The following ATF6 variants were observed in gnomAD, a reference collection of about 807,000 sequenced individuals.
The protein encoded by ATF6 is cyclic AMP-dependent transcription factor ATF-6 alpha.
A neutral mutation model predicts 83.6 loss-of-function variants in ATF6; 53 were observed. That is an observed-to-expected ratio of 0.63 (90% CI 0.51 to 0.80). ATF6 has a LOEUF of 0.80. ATF6 is among the 30% of genes least tolerant of loss of function. The pLI, the probability that ATF6 is intolerant of heterozygous loss-of-function variation, is 0.00. For missense variants in ATF6, 744 were observed against 797.9 expected, an observed-to-expected ratio of 0.93 and a Z score of 0.81; for synonymous variants, 288 against 285.8, an observed-to-expected ratio of 1.01 and a Z score of -0.08.
chr1:161,958,680 G>C lies in ATF6; in HGVS notation c.*26G>C, dbSNP rs1571264558. 1 of 1,579,330 alleles carries C rather than the reference G, an allele frequency of 6.3e-7. No individual in the cohort carries two copies. Among genetic ancestry groups the C allele is most frequent in the Non-Finnish European group, 8.6e-7 (1 of 1,160,924 alleles). ...CACCCTGCAGCTATGCTGGAAAACT[G>C]AGCGTGGGACCCTGCCAGACTGAAG... On this transcript the variant is annotated 3_prime_UTR_variant, in exon 16 of 16. Coordinates refer to ENST00000367942, the MANE Select transcript of ATF6 (RefSeq NM_007348.4).
intron 4 of ATF6, among the ~76,000 whole-genome samples, chr1:161,784,654 A>G (rs61104653): frequency 0.11 from 17,058 of 152,206 alleles, 1,941 homozygotes; most frequent in African/African-American, 0.29. Context: ...TAGAATGGGG[A>G]AAGGGAAAGT....
At chr1:161,946,731 T>G (rs1688755341) in intron 15 of ATF6, among the ~76,000 whole-genome samples, 1 of 152,226 alleles carries the variant, frequency 6.6e-6, no homozygotes, top group South Asian at 2.1e-4. Context: ...TCATTCAGTA[T>G]TTATAATTTT....
intron 14 of ATF6, among the ~76,000 whole-genome samples, chr1:161,873,354 T>A (rs1687153605): frequency 6.6e-6 from 1 of 151,558 alleles, no homozygotes; most frequent in Non-Finnish European, 1.5e-5. Context: ...CTACATAAAA[T>A]TTGGTATAAC....
chr1:161,941,829 T>C (rs1210760521), intron 15 of ATF6, among the ~76,000 whole-genome samples: 1 of 152,204 alleles, frequency 6.6e-6, no homozygotes, highest in Non-Finnish European at 1.5e-5. Context: ...GAAAGTTTAG[T>C]CCTTGCCAAA....
In ATF6 at chr1:161,939,600, C is replaced by T. The variant is rs182415917; in HGVS notation, c.1805-18846C>T. 1.8e-4 allele frequency among the ~76,000 whole-genome samples: 27 copies of T among 152,310 alleles called. No homozygotes were observed. The East Asian group carries it at 3.5e-3, about 20-fold the overall frequency. ...GGATAGCTTGTTAGTACTGGAGACC[C>T]ACGCTCTTTCTTTCCTGCACTCTGC... On this transcript the variant is annotated intron_variant, in intron 15 of 15. Transcript: ENST00000367942.
chr1:161,779,339 G>C (rs1684585658), intron 2 of ATF6, among the ~76,000 whole-genome samples: 2 of 152,174 alleles, frequency 1.3e-5, no homozygotes, highest in Non-Finnish European at 2.9e-5. Flanking sequence ...ATATATTCCT[G>C]ATTTTACAAC....
At position 161,835,530 on chromosome 1, in the gene ATF6, A is replaced by G. The variant is rs570143190; in HGVS notation, c.1188-10919A>G. Among the ~76,000 whole-genome samples the G allele has an allele frequency of 3.3e-5, 5 of 152,274 alleles. No homozygotes were observed. In the South Asian group the frequency reaches 1.0e-3, roughly 32 times the overall value. ...GTTTTGTATTTCTTTCTTCCTATAC[A>G]TTGTTTTGTATAGTTTTGTATTTCT... On this transcript the variant is annotated intron_variant, in intron 9 of 15. Transcript: ENST00000367942.
rs920673485 is a variant in ATF6 at position 161,845,528 on chromosome 1, G to A, written c.1188-921G>A. On this transcript the variant is annotated intron_variant, in intron 9 of 15. Transcript: ENST00000367942. ...TACATCTGTAATCCCAGCACTTTGG[G>A]AGGCCAAGGTGGGAGGATAGCTTTA... Among the ~76,000 whole-genome samples the A allele has an allele frequency of 7.2e-5, 11 of 152,168 alleles. 1 individual carries two copies. The South Asian group carries it at 1.7e-3, about 23-fold the overall frequency.
intron 14 of ATF6, among the ~76,000 whole-genome samples, chr1:161,882,722 G>C (rs1323718200): frequency 7.1e-6 from 1 of 141,078 alleles, no homozygotes; most frequent in Admixed American, 7.2e-5. Flanking sequence ...TTTTTTTTTT[G>C]TAGAAAATCA....
chr1:161,849,424 A>G (rs140602560), intron 10 of ATF6, among the ~76,000 whole-genome samples: 32 of 152,336 alleles, frequency 2.1e-4, no homozygotes, highest in African/African-American at 7.2e-4. Flanking sequence ...ATAAATAGCT[A>G]TCTCTAACTT....
chr1:161,770,183 A>C lies in ATF6; in HGVS notation c.82+3741A>C, dbSNP rs557041612. ...TAGTTGGAATCATACAGTATGTAGCATTTTTGAATTGGCTTCTTTCACTTA... is the reference window on the plus strand; with the variant it reads ...TAGTTGGAATCATACAGTATGTAGCCTTTTTGAATTGGCTTCTTTCACTTA... On this transcript the variant is annotated intron_variant, in intron 1 of 15. Transcript: ENST00000367942. 9.9e-5 allele frequency among the ~76,000 whole-genome samples: 15 copies of C among 152,210 alleles called. No individual in the cohort carries two copies. In the South Asian group the frequency reaches 2.9e-3, roughly 29 times the overall value.
At chr1:161,833,389 A>G (rs554674462) in intron 9 of ATF6, among the ~76,000 whole-genome samples, 10 of 152,336 alleles carry the variant, frequency 6.6e-5, no homozygotes, top group African/African-American at 2.4e-4. Flanking sequence ...CCCGCAACAG[A>G]ACAAAGCTGG....
At chr1:161,849,995 G>T (rs1056640256) in intron 10 of ATF6, among the ~76,000 whole-genome samples, 1 of 152,012 alleles carries the variant, frequency 6.6e-6, no homozygotes, top group Non-Finnish European at 1.5e-5. Context: ...AAATTGTCTT[G>T]AATTGGTCCA....
chr1:161,783,193 T>G (rs886491134), intron 3 of ATF6, among the ~76,000 whole-genome samples: 17 of 152,146 alleles, frequency 1.1e-4, no homozygotes, highest in Non-Finnish European at 1.8e-4. Context: ...CATTTCCAGC[T>G]TCAGAATTCA....
intron 4 of ATF6, 65 bp from the exon 5 acceptor site, chr1:161,791,343 C>T (rs1684875372): frequency 6.9e-7 from 1 of 1,447,322 alleles, no homozygotes; most frequent in South Asian, 1.4e-5. Flanking sequence ...TGGGTCTCCT[C>T]CTTTTCTATG....
At chr1:161,866,939 G>A (rs1231177934) in intron 14 of ATF6, among the ~76,000 whole-genome samples, 6 of 151,996 alleles carry the variant, frequency 3.9e-5, no homozygotes, top group Non-Finnish European at 8.8e-5. Flanking sequence ...TTGTAGAGAT[G>A]GGGTCTCACT....
chr1:161,865,519 T>A (rs1686978481), intron 14 of ATF6, among the ~76,000 whole-genome samples: 1 of 152,230 alleles, frequency 6.6e-6, no homozygotes, highest in Non-Finnish European at 1.5e-5. Context: ...TTAAAAAATA[T>A]ATATGCATTG....
At chr1:161,862,603 C>CAT (rs34527534) in intron 13 of ATF6, among the ~76,000 whole-genome samples, 21,530 of 152,098 alleles carry the variant, frequency 0.14, 2,077 homozygotes, top group East Asian at 0.31. Context: ...TGGCACTTGA[C>CAT]ATATAACATC....
chr1:161,919,936 G>A (rs1359237622), intron 15 of ATF6, among the ~76,000 whole-genome samples: 3 of 152,164 alleles, frequency 2.0e-5, no homozygotes, highest in African/African-American at 7.2e-5. Context: ...CCAAATAAAT[G>A]TGTTGGTTTT....
Sources: gnomAD v4.1 joint callset for allele counts (sites outside exome capture counted in the v4.1 genomes callset) on GRCh38, gnomAD v4.1.1 for gene constraint, MANE v1.5 for transcripts, NCBI Gene and HGNC (gene_info 2026-07-23, HGNC 2026-07-21) for gene names.